The following VAV3 variants were observed in gnomAD, a reference collection of about 807,000 sequenced individuals.
The protein encoded by VAV3 is guanine nucleotide exchange factor VAV3.
In VAV3, 94 loss-of-function variants were observed where a neutral mutation model predicts 131.2. The observed-to-expected ratio is 0.72, with a 90% CI of 0.61 to 0.85. VAV3 has a LOEUF of 0.85. Ranked by LOEUF, VAV3 falls within the 40% of genes least tolerant of loss-of-function variation. The pLI, the probability that VAV3 is intolerant of heterozygous loss-of-function variation, is 0.00. For missense variants in VAV3, 939 were observed against 1,002.7 expected (o/e 0.94, Z 0.86); for synonymous variants, 349 against 342.0 (o/e 1.02, Z -0.22).
chr1:107,870,989 T>C (rs1268614330), intron 2 of VAV3, among the ~76,000 whole-genome samples: 1 of 152,168 alleles, frequency 6.6e-6, no homozygotes, highest in Admixed American at 6.5e-5. Context: ...AAAAATCCCA[T>C]GTGCTTCTGC....
intron 19 of VAV3, among the ~76,000 whole-genome samples, chr1:107,648,885 A>G (rs1655938486): frequency 6.6e-6 from 1 of 151,986 alleles, no homozygotes; most frequent in African/African-American, 2.4e-5. Context: ...ATGTTTCAGG[A>G]TGATCTGAGT....
intron 20 of VAV3, among the ~76,000 whole-genome samples, chr1:107,633,719 G>C (rs1355141891): frequency 6.6e-6 from 1 of 152,118 alleles, no homozygotes; most frequent in African/African-American, 2.4e-5. Context: ...AGGTCCAGCA[G>C]TTTCCACTTT....
Position 107,669,885 on chromosome 1 carries a change from C to T in VAV3, c.1777+13603G>A, listed in dbSNP as rs577371828. On this transcript the variant is annotated intron_variant, in intron 19 of 26. Transcript: ENST00000370056. ...GGCTGACACTAAAATATAATCAATA[C>T]TACACACTGATCACCCAAATAATGT... Among the ~76,000 whole-genome samples, 55 of 152,280 alleles carry T rather than the reference C, an allele frequency of 3.6e-4. 1 individual carries two copies. The highest frequency in any genetic ancestry group is 1.3e-3 in the African/African-American group (55 of 41,560).
At chr1:107,846,808 C>T (rs939604318) in intron 2 of VAV3, among the ~76,000 whole-genome samples, 2 of 152,118 alleles carry the variant, frequency 1.3e-5, no homozygotes, top group South Asian at 2.1e-4. Flanking sequence ...CTTAGACTCC[C>T]ACACAATAAT....
intron 15 of VAV3, among the ~76,000 whole-genome samples, chr1:107,715,505 A>G (rs1661040854): frequency 6.6e-6 from 1 of 152,212 alleles, no homozygotes; most frequent in African/African-American, 2.4e-5. Context: ...CTCTTGGCTT[A>G]TAATACACTT....
intron 4 of VAV3, among the ~76,000 whole-genome samples, chr1:107,774,108 C>T (rs1033235470): frequency 1.3e-5 from 2 of 152,098 alleles, no homozygotes; most frequent in African/African-American, 4.8e-5. Flanking sequence ...ACTCTGTTGC[C>T]CAGGCTGGAG....
At chr1:107,596,809 A>G (rs1363333449) in intron 24 of VAV3, among the ~76,000 whole-genome samples, 1 of 152,226 alleles carries the variant, frequency 6.6e-6, no homozygotes, top group Admixed American at 6.5e-5. Flanking sequence ...GTGGTAAACA[A>G]AAGTTGATAA....
intron 1 of VAV3, among the ~76,000 whole-genome samples, chr1:107,926,656 G>A (rs572110785): frequency 2.6e-5 from 4 of 152,144 alleles, no homozygotes; most frequent in East Asian, 3.9e-4. Context: ...CAGCAAGCGC[G>A]AGGCATTGCA....
chr1:107,797,883 T>C (rs1475787540), intron 2 of VAV3, among the ~76,000 whole-genome samples: 1 of 152,144 alleles, frequency 6.6e-6, no homozygotes, highest in Non-Finnish European at 1.5e-5. Flanking sequence ...CACCACAAGA[T>C]TTTCCAACTC....
At chr1:107,815,100 A>G (rs138075346) in intron 2 of VAV3, among the ~76,000 whole-genome samples, 13 of 152,346 alleles carry the variant, frequency 8.5e-5, no homozygotes, top group African/African-American at 2.9e-4. Context: ...CAATCTATAC[A>G]TAGATGCTGC....
At chr1:107,748,565 T>C (rs1236487691) in intron 15 of VAV3, among the ~76,000 whole-genome samples, 1 of 152,212 alleles carries the variant, frequency 6.6e-6, no homozygotes, top group African/African-American at 2.4e-5. Context: ...GATATATGCA[T>C]TTACATATCT....
chr1:107,666,572 C>CTTTTTT (rs561256376), intron 19 of VAV3, among the ~76,000 whole-genome samples: 1 of 138,280 alleles, frequency 7.2e-6, no homozygotes. Flanking sequence ...TCATTTGAGA[C>CTTTTTT]TTTTTTTTTT....
intron 17 of VAV3, among the ~76,000 whole-genome samples, chr1:107,690,687 T>C (rs1168952019): frequency 6.6e-6 from 1 of 152,170 alleles, no homozygotes; most frequent in Non-Finnish European, 1.5e-5. Context: ...TAAGAAATGC[T>C]CTACACAAAG....
intron 1 of VAV3, among the ~76,000 whole-genome samples, chr1:107,911,996 C>A (rs1316159323): frequency 6.6e-6 from 1 of 152,146 alleles, no homozygotes; most frequent in Non-Finnish European, 1.5e-5. Flanking sequence ...AACAGCCAGG[C>A]AGGGACTACA....
intron 1 of VAV3, among the ~76,000 whole-genome samples, chr1:107,876,705 AC>A (rs1670515924): frequency 6.6e-6 from 1 of 152,176 alleles, no homozygotes; most frequent in Admixed American, 6.6e-5. Context: ...ACTCAGATCC[AC>A]CTAAGCAAAA....
intron 2 of VAV3, among the ~76,000 whole-genome samples, chr1:107,828,950 C>A (rs755643981): frequency 6.6e-6 from 1 of 152,164 alleles, no homozygotes; most frequent in Non-Finnish European, 1.5e-5. Context: ...TGAACTACAT[C>A]ATTTGCAAAG....
At chr1:107,907,740 C>T (rs1465607013) in intron 1 of VAV3, among the ~76,000 whole-genome samples, 1 of 152,082 alleles carries the variant, frequency 6.6e-6, no homozygotes, top group Non-Finnish European at 1.5e-5. Context: ...TTCCACCTTC[C>T]ACCATGGTAT....
chr1:107,888,889 TG>T (rs776778853), intron 1 of VAV3, among the ~76,000 whole-genome samples: 3 of 152,208 alleles, frequency 2.0e-5, no homozygotes, highest in African/African-American at 4.8e-5. Flanking sequence ...CACACTCCTC[TG>T]AATTTAGCAT....
chr1:107,717,797 A>C (rs1172403762), intron 15 of VAV3, among the ~76,000 whole-genome samples: 1 of 152,136 alleles, frequency 6.6e-6, no homozygotes, highest in East Asian at 1.9e-4. Flanking sequence ...TATCCTTATT[A>C]ATCTTCTGTC....
Sources: gnomAD v4.1 joint callset for allele counts (sites outside exome capture counted in the v4.1 genomes callset) on GRCh38, gnomAD v4.1.1 for gene constraint, MANE v1.5 for transcripts, NCBI Gene and HGNC (gene_info 2026-07-23, HGNC 2026-07-21) for gene names.